C11orf96: variants seen among roughly 807,000 people sequenced by gnomAD.
C11orf96 encodes chromosome 11 open reading frame 96.
C11orf96 carries 6 observed loss-of-function variants against 7.6 expected under a neutral mutation model. The observed-to-expected ratio is 0.79, with a 90% CI of 0.43 to 1.55. The LOEUF (loss-of-function observed/expected upper bound fraction) is 1.55, where lower values mean the gene tolerates loss of function less well. C11orf96 is among the 40% of genes most tolerant of loss of function. C11orf96 has a pLI of 0.01. For missense variants in C11orf96, 150 were observed against 167.3 expected, an observed-to-expected ratio of 0.90 and a Z score of 0.57; for synonymous variants, 72 against 79.0, an observed-to-expected ratio of 0.91 and a Z score of 0.47.
Position 43,943,288 on chromosome 11 carries a change from G to A in C11orf96, c.*15G>A. The A allele has an allele frequency of 6.8e-7, 1 of 1,472,858 alleles. No individual in the cohort carries two copies. The highest frequency in any genetic ancestry group is 9.0e-7 in the Non-Finnish European group (1 of 1,116,144). The allele number at this position is 1,472,858 out of a possible 1,614,324, so 91.2% of individuals were successfully genotyped here. ...CGGCCCTGTAAGGGGCGCCGCCCGC[G>A]GGGGGGACGCGCGCGTCCGCGGTCC... On this transcript the variant is annotated 3_prime_UTR_variant, in exon 1 of 1. Transcript: ENST00000617612. This position sits in a 1 kb window ranked among gnomAD's most constrained non-coding sequence, Gnocchi z 4.8.
In C11orf96 at chr11:43,943,478, G is replaced by C. The variant is rs1316463622; in HGVS notation, c.*205G>C. On this transcript the variant is annotated 3_prime_UTR_variant, in exon 1 of 1. Coordinates refer to ENST00000617612, the MANE Select transcript of C11orf96 (RefSeq NM_001145033.2). This position sits in a 1 kb window ranked among gnomAD's most constrained non-coding sequence, Gnocchi z 4.8. ...GCCCTGGCCCGGGAGCGCCGGGAGC[G>C]GGGCCGCTTTCCTCGTCCTTGTAAA... 20 of 1,402,474 alleles carry C rather than the reference G, an allele frequency of 1.4e-5. No individual in the cohort carries two copies. Among genetic ancestry groups the C allele is most frequent in the Non-Finnish European group, 1.3e-5 (14 of 1,054,762 alleles). 86.9% of individuals were successfully genotyped at this position (1,402,474 alleles called of 1,614,324 possible).
rs1438130842 is a variant in C11orf96, at chr11:43,943,830, G to A, written c.*557G>A. 8 of 1,298,604 alleles carry A rather than the reference G, an allele frequency of 6.2e-6. No homozygotes were observed. The highest frequency in any genetic ancestry group is 8.1e-6 in the Non-Finnish European group (8 of 985,434). The allele number at this position is 1,298,604 out of a possible 1,614,324, so 80.4% of individuals were successfully genotyped here. Reference sequence around the variant, plus strand: ...TTTAACGATCTTTTTACCTGGATATGTCTGTGAGGCTCCTGAAAGGAGACA... The same window carrying A: ...TTTAACGATCTTTTTACCTGGATATATCTGTGAGGCTCCTGAAAGGAGACA... On this transcript the variant is annotated 3_prime_UTR_variant, in exon 1 of 1. Coordinates refer to ENST00000617612, the MANE Select transcript of C11orf96 (RefSeq NM_001145033.2). This position sits in a 1 kb window ranked among gnomAD's most constrained non-coding sequence, Gnocchi z 4.8.
Position 43,943,264 on chromosome 11 carries a change from G to C in C11orf96, c.360G>C (p.Ser120=), listed in dbSNP as rs769800720. ...RNSLDSSDSD[S]AL ...GCCTGGACTCCAGCGACTCCGACTC[G>C]GCCCTGTAAGGGGCGCCGCCCGCGG... Residue 120 remains serine (S), a synonymous_variant, in exon 1 of 1, where the codon TCG becomes TCC. Transcript: ENST00000617612. This position sits in a 1 kb window ranked among gnomAD's most constrained non-coding sequence, Gnocchi z 4.8. 1.3e-5 allele frequency: 20 copies of C among 1,500,202 alleles called. No individual in the cohort carries two copies. The highest frequency in any genetic ancestry group is 1.8e-5 in the Non-Finnish European group (20 of 1,126,964). 92.9% of individuals were successfully genotyped at this position (1,500,202 alleles called of 1,614,324 possible). A position where few individuals can be genotyped will look rare whatever the true frequency, so the allele number is the denominator to read the frequency against.
rs1047048143 is a variant in C11orf96 at position 43,943,197 on chromosome 11, C to T, written c.293C>T (p.Ser98Leu). 7.9e-6 allele frequency: 12 copies of T among 1,520,348 alleles called. No homozygotes were observed. The Admixed American group carries it at 1.7e-4, about 22-fold the overall frequency. The allele number at this position is 1,520,348 out of a possible 1,614,324, so 94.2% of individuals were successfully genotyped here. ...CTGCGCCGCAGCACGCAGAGCCTGT[C>T]GCTGCAGCGGGAGCAGCTCAGCAGC... is the stretch of plus-strand genomic sequence containing the variant. ...ECLRRSTQSL[S>L]LQREQLSSCK... Residue 98 changes from serine (S) to leucine (L), a missense_variant, in exon 1 of 1, where the codon TCG (serine) becomes TTG (leucine). Ser to Leu is a moderately radical substitution (Grantham distance 145). Around this residue, in one of 3 missense-constraint regions of C11orf96, gnomAD observed 69 missense variants for 69.1 expected, o/e 1.00. Transcript: ENST00000617612. The surrounding 1 kb of genome is among the most constrained non-coding windows in gnomAD (Gnocchi z 4.8).
Position 43,943,624 on chromosome 11 carries a change from G to A in C11orf96, c.*351G>A, listed in dbSNP as rs1450896612. 10 of 1,306,416 alleles carry A rather than the reference G, an allele frequency of 7.7e-6. No individual in the cohort carries two copies. The highest frequency in any genetic ancestry group is 2.3e-5 in the Admixed American group (1 of 43,634). The allele number at this position is 1,306,416 out of a possible 1,614,324, so 80.9% of individuals were successfully genotyped here. On this transcript the variant is annotated 3_prime_UTR_variant, in exon 1 of 1. Coordinates refer to ENST00000617612, the MANE Select transcript of C11orf96 (RefSeq NM_001145033.2). The surrounding 1 kb of genome is among the most constrained non-coding windows in gnomAD (Gnocchi z 4.8). ...CCCTTGTCCGATGGTTTGCAACTCC[G>A]ATTTTGCACACCGCTCCACCGTGCC...
chr11:43,943,549 G>A lies in C11orf96; in HGVS notation c.*276G>A. 1 of 1,319,268 alleles carries A rather than the reference G, an allele frequency of 7.6e-7. No homozygotes were observed. The highest frequency in any genetic ancestry group is 1.0e-6 in the Non-Finnish European group (1 of 999,194). 81.7% of individuals were successfully genotyped at this position (1,319,268 alleles called of 1,614,324 possible). A position where few individuals can be genotyped will look rare whatever the true frequency, so the allele number is the denominator to read the frequency against. ...CCAGTGCGAACTCTGCTGTGAGTGT[G>A]TGCGGGGAGGCGCGCCCGCGCTGAG... On this transcript the variant is annotated 3_prime_UTR_variant, in exon 1 of 1. Transcript: ENST00000617612. This position sits in a 1 kb window ranked among gnomAD's most constrained non-coding sequence, Gnocchi z 4.8.
chr11:43,943,647 G>GC lies in C11orf96; in HGVS notation c.*380dup, dbSNP rs1565137940. The GC allele has an allele frequency of 3.1e-6, 4 of 1,305,118 alleles. No homozygotes were observed. Among genetic ancestry groups the GC allele is most frequent in the Middle Eastern group, 2.1e-4 (1 of 4,724 alleles). 80.8% of individuals were successfully genotyped at this position (1,305,118 alleles called of 1,614,324 possible). ...CCGATTTTGCACACCGCTCCACCGT[G>GC]CCCCCCAGCGCACACCCATTCACAC... On this transcript the variant is annotated 3_prime_UTR_variant, in exon 1 of 1. Transcript: ENST00000617612. The surrounding 1 kb of genome is among the most constrained non-coding windows in gnomAD (Gnocchi z 4.8).
chr11:43,943,871 T>C lies in C11orf96; in HGVS notation c.*598T>C. The C allele has an allele frequency of 8.0e-7, 1 of 1,254,846 alleles. No individual in the cohort carries two copies. 77.7% of individuals were successfully genotyped at this position (1,254,846 alleles called of 1,614,324 possible). On this transcript the variant is annotated 3_prime_UTR_variant, in exon 1 of 1. Transcript: ENST00000617612. The surrounding 1 kb of genome is among the most constrained non-coding windows in gnomAD (Gnocchi z 4.8). ...AAAGGAGACAAATAAAGTCAATATATTTGCACAGTGCAGTTTTCCAGGCTC... is the reference window on the plus strand; with the variant it reads ...AAAGGAGACAAATAAAGTCAATATACTTGCACAGTGCAGTTTTCCAGGCTC...
chr11:43,943,191 G>A lies in C11orf96; in HGVS notation c.287G>A (p.Ser96Asn). The change falls in exon 1 of 1, where the codon AGC becomes AAC. Residue 96 changes from serine to asparagine, a missense_variant. Around this residue, in one of 3 missense-constraint regions of C11orf96, gnomAD observed 69 missense variants for 69.1 expected, o/e 1.00. Transcript: ENST00000617612. This position sits in a 1 kb window ranked among gnomAD's most constrained non-coding sequence, Gnocchi z 4.8. ...SLECLRRSTQ[S>N]LSLQREQLSS... Reference sequence around the variant, plus strand: ...GAGTGCCTGCGCCGCAGCACGCAGAGCCTGTCGCTGCAGCGGGAGCAGCTC... The same window carrying A: ...GAGTGCCTGCGCCGCAGCACGCAGAACCTGTCGCTGCAGCGGGAGCAGCTC... 4 of 1,516,834 alleles carry A rather than the reference G, an allele frequency of 2.6e-6. No homozygotes were observed. Among genetic ancestry groups the A allele is most frequent in the Non-Finnish European group, 2.6e-6 (3 of 1,132,626 alleles). 94.0% of individuals were successfully genotyped at this position (1,516,834 alleles called of 1,614,324 possible).
At position 43,943,296 on chromosome 11, in the gene C11orf96, C is replaced by T; in HGVS notation, c.*23C>T. 1.4e-6 allele frequency: 2 copies of T among 1,456,620 alleles called. No homozygotes were observed. Among genetic ancestry groups the T allele is most frequent in the Non-Finnish European group, 1.8e-6 (2 of 1,109,312 alleles). 90.2% of individuals were successfully genotyped at this position (1,456,620 alleles called of 1,614,324 possible). ...TAAGGGGCGCCGCCCGCGGGGGGGA[C>T]GCGCGCGTCCGCGGTCCGCGCGGGG... On this transcript the variant is annotated 3_prime_UTR_variant, in exon 1 of 1. Transcript: ENST00000617612. The surrounding 1 kb of genome is among the most constrained non-coding windows in gnomAD (Gnocchi z 4.8).
At position 43,943,215 on chromosome 11, in the gene C11orf96, T is replaced by G; in HGVS notation, c.311T>G (p.Leu104Arg). 1 of 1,524,590 alleles carries G rather than the reference T, an allele frequency of 6.6e-7. No homozygotes were observed. 94.4% of individuals were successfully genotyped at this position (1,524,590 alleles called of 1,614,324 possible). The change falls in exon 1 of 1, where the codon CTC becomes CGC. Residue 104 changes from leucine to arginine, a missense_variant. Coordinates refer to ENST00000617612, the MANE Select transcript of C11orf96 (RefSeq NM_001145033.2). This position sits in a 1 kb window ranked among gnomAD's most constrained non-coding sequence, Gnocchi z 4.8. ...TQSLSLQREQ[L>R]SSCKLRNSLD... ...AGCCTGTCGCTGCAGCGGGAGCAGCTCAGCAGCTGCAAACTGAGGAACAGC... is the reference window on the plus strand; with the variant it reads ...AGCCTGTCGCTGCAGCGGGAGCAGCGCAGCAGCTGCAAACTGAGGAACAGC...
Position 43,943,309 on chromosome 11 carries a change from G to A in C11orf96, c.*36G>A, listed in dbSNP as rs1396597360. ...CCGCGGGGGGGACGCGCGCGTCCGC[G>A]GTCCGCGCGGGGACCGGCGTGTGAA... On this transcript the variant is annotated 3_prime_UTR_variant, in exon 1 of 1. Coordinates refer to ENST00000617612, the MANE Select transcript of C11orf96 (RefSeq NM_001145033.2). This position sits in a 1 kb window ranked among gnomAD's most constrained non-coding sequence, Gnocchi z 4.8. 1 of 1,442,422 alleles carries A rather than the reference G, an allele frequency of 6.9e-7. No individual in the cohort carries two copies. The highest frequency in any genetic ancestry group is 9.1e-7 in the Non-Finnish European group (1 of 1,103,418). 89.4% of individuals were successfully genotyped at this position (1,442,422 alleles called of 1,614,324 possible).
At position 43,943,207 on chromosome 11, in the gene C11orf96, G is replaced by T; in HGVS notation, c.303G>T (p.Arg101=). Residue 101 remains arginine, a synonymous_variant, in exon 1 of 1, where the codon CGG becomes CGT. Transcript: ENST00000617612. This position sits in a 1 kb window ranked among gnomAD's most constrained non-coding sequence, Gnocchi z 4.8. The part of the protein sequence containing the change: ...RRSTQSLSLQ[R]EQLSSCKLRN... ...GCACGCAGAGCCTGTCGCTGCAGCG[G>T]GAGCAGCTCAGCAGCTGCAAACTGA... 1 of 1,526,288 alleles carries T rather than the reference G, an allele frequency of 6.6e-7. No individual in the cohort carries two copies. The highest frequency in any genetic ancestry group is 1.2e-5 in the South Asian group (1 of 81,448). The allele number at this position is 1,526,288 out of a possible 1,614,324, so 94.5% of individuals were successfully genotyped here.
Position 43,942,796 on chromosome 11 carries a change from C to G in C11orf96, c.-109C>G, listed in dbSNP as rs964983024. 31 of 755,884 alleles carry G rather than the reference C, an allele frequency of 4.1e-5. 1 individual carries two copies. The highest frequency in any genetic ancestry group is 1.2e-4 in the South Asian group (2 of 17,286). 46.8% of individuals were successfully genotyped at this position (755,884 alleles called of 1,614,324 possible). A position where few individuals can be genotyped will look rare whatever the true frequency, so the allele number is the denominator to read the frequency against. On this transcript the variant is annotated 5_prime_UTR_variant, in exon 1 of 1. Coordinates refer to ENST00000617612, the MANE Select transcript of C11orf96 (RefSeq NM_001145033.2). ...GCCACCCCGCAGCAGATTTGGATCC[C>G]CCGCCCGGCGAGCCCCCGGCTGCTG...
Position 43,943,298 on chromosome 11 carries a change from C to T in C11orf96, c.*25C>T. On this transcript the variant is annotated 3_prime_UTR_variant, in exon 1 of 1. Coordinates refer to ENST00000617612, the MANE Select transcript of C11orf96 (RefSeq NM_001145033.2). This position sits in a 1 kb window ranked among gnomAD's most constrained non-coding sequence, Gnocchi z 4.8. ...AGGGGCGCCGCCCGCGGGGGGGACG[C>T]GCGCGTCCGCGGTCCGCGCGGGGAC... is the stretch of plus-strand genomic sequence containing the variant. 1.4e-6 allele frequency: 2 copies of T among 1,456,948 alleles called. No individual in the cohort carries two copies. Among genetic ancestry groups the T allele is most frequent in the Non-Finnish European group, 1.8e-6 (2 of 1,109,504 alleles). The allele number at this position is 1,456,948 out of a possible 1,614,324, so 90.3% of individuals were successfully genotyped here.
In C11orf96 at chr11:43,943,573, A is replaced by T. The variant is rs1952130360; in HGVS notation, c.*300A>T. 1 of 1,313,686 alleles carries T rather than the reference A, an allele frequency of 7.6e-7. No individual in the cohort carries two copies. The highest frequency in any genetic ancestry group is 1.0e-6 in the Non-Finnish European group (1 of 995,432). The allele number at this position is 1,313,686 out of a possible 1,614,324, so 81.4% of individuals were successfully genotyped here. ...TGTGCGGGGAGGCGCGCCCGCGCTG[A>T]GTCGGCGGCGGGTAGCCACTCCATG... On this transcript the variant is annotated 3_prime_UTR_variant, in exon 1 of 1. Transcript: ENST00000617612. This position sits in a 1 kb window ranked among gnomAD's most constrained non-coding sequence, Gnocchi z 4.8.
rs1427314748 is a variant in C11orf96, at chr11:43,943,000, C to G, written c.96C>G (p.Pro32=). 2.7e-6 allele frequency: 4 copies of G among 1,506,200 alleles called. No individual in the cohort carries two copies. The highest frequency in any genetic ancestry group is 2.9e-5 in the African/African-American group (2 of 69,240). 93.3% of individuals were successfully genotyped at this position (1,506,200 alleles called of 1,614,324 possible). A position where few individuals can be genotyped will look rare whatever the true frequency, so the allele number is the denominator to read the frequency against. ...FVCLADEFPQ[P]VRPAKLPKGR... ...GCCTGGCCGACGAGTTCCCGCAGCC[C>G]GTGCGGCCCGCCAAGCTGCCCAAGG... Residue 32 remains proline (P), a synonymous_variant, in exon 1 of 1, where the codon CCC becomes CCG. Coordinates refer to ENST00000617612, the MANE Select transcript of C11orf96 (RefSeq NM_001145033.2).
Position 43,943,339 on chromosome 11 carries a change from G to A in C11orf96, c.*66G>A, listed in dbSNP as rs1353213570. On this transcript the variant is annotated 3_prime_UTR_variant, in exon 1 of 1. Coordinates refer to ENST00000617612, the MANE Select transcript of C11orf96 (RefSeq NM_001145033.2). The surrounding 1 kb of genome is among the most constrained non-coding windows in gnomAD (Gnocchi z 4.8). Reference sequence around the variant, plus strand: ...GCGCGGGGACCGGCGTGTGAACCCCGAGAGTGCCCGCGCCCTGCTCCCGGG... The same window carrying A: ...GCGCGGGGACCGGCGTGTGAACCCCAAGAGTGCCCGCGCCCTGCTCCCGGG... 10 of 1,409,442 alleles carry A rather than the reference G, an allele frequency of 7.1e-6. No individual in the cohort carries two copies. Among genetic ancestry groups the A allele is most frequent in the Non-Finnish European group, 9.2e-6 (10 of 1,088,984 alleles). 87.3% of individuals were successfully genotyped at this position (1,409,442 alleles called of 1,614,324 possible).
rs774945097 is a variant in C11orf96, at chr11:43,943,577, G to T, written c.*304G>T. 2 of 1,312,936 alleles carry T rather than the reference G, an allele frequency of 1.5e-6. No individual in the cohort carries two copies. Among genetic ancestry groups the T allele is most frequent in the Non-Finnish European group, 2.0e-6 (2 of 994,914 alleles). The allele number at this position is 1,312,936 out of a possible 1,614,324, so 81.3% of individuals were successfully genotyped here. On this transcript the variant is annotated 3_prime_UTR_variant, in exon 1 of 1. Transcript: ENST00000617612. The surrounding 1 kb of genome is among the most constrained non-coding windows in gnomAD (Gnocchi z 4.8). Reference sequence around the variant, plus strand: ...CGGGGAGGCGCGCCCGCGCTGAGTCGGCGGCGGGTAGCCACTCCATGCCCT... The same window carrying T: ...CGGGGAGGCGCGCCCGCGCTGAGTCTGCGGCGGGTAGCCACTCCATGCCCT...
Sources: gnomAD v4.1 joint callset for allele counts on GRCh38, gnomAD v4.1.1 for gene constraint, gnomAD v4.1.1 regional missense constraint, Gnocchi (gnomAD v3.1) non-coding constraint, MANE v1.5 for transcripts, NCBI Gene and HGNC (gene_info 2026-07-23, HGNC 2026-07-21) for gene names.